ASXL3: variants seen among roughly 807,000 people sequenced by gnomAD.
The protein encoded by ASXL3 is ASXL transcriptional regulator 3, also known as putative Polycomb group protein ASXL3.
A neutral mutation model predicts 170.6 loss-of-function variants in ASXL3; 34 were observed. The observed-to-expected ratio is 0.20, with a 90% confidence interval of 0.15 to 0.27. The LOEUF is 0.27. ASXL3 is among the 10% of genes least tolerant of loss of function. The pLI is 1.00. For synonymous variants in ASXL3, 1,002 were observed against 989.1 expected, an observed-to-expected ratio of 1.01 and a Z score of -0.24; for missense variants, 2,592 against 2,695.3, an observed-to-expected ratio of 0.96 and a Z score of 0.85.
intron 1 of ASXL3, among the ~76,000 whole-genome samples, chr18:33,584,321 G>A (rs945890880): frequency 6.6e-6 from 1 of 151,970 alleles, no homozygotes; most frequent in Non-Finnish European, 1.5e-5. Context: ...ATTGGGGAGG[G>A]ATTTAAAGCC....
At chr18:33,738,337 G>A (rs1007449948) in intron 10 of ASXL3, 150 bp from the exon 11 acceptor site, 9 of 837,678 alleles carry the variant, frequency 1.1e-5, no homozygotes, top group South Asian at 2.2e-5. Context: ...CATCATCATT[G>A]TAAACTGGTT....
intron 1 of ASXL3, among the ~76,000 whole-genome samples, chr18:33,585,071 G>A (rs2065025086): frequency 1.3e-5 from 2 of 151,992 alleles, no homozygotes; most frequent in African/African-American, 4.8e-5. Context: ...GCCTACATAT[G>A]TATTCTCCTC....
At position 33,667,049 on chromosome 18, in the gene ASXL3, G is replaced by A. The variant is rs541366704; in HGVS notation, c.478-3624G>A. Among the ~76,000 whole-genome samples, 12 of 152,268 alleles carry A rather than the reference G, an allele frequency of 7.9e-5. No individual in the cohort carries two copies. The South Asian group carries it at 2.3e-3, about 29-fold the overall frequency. ...AGAGCCTGCACTGAGGGGAAGTGCG[G>A]AGGTCAGCTAGAGAGAGCGTGGTTT... On this transcript the variant is annotated intron_variant, in intron 5 of 11. Coordinates refer to ENST00000269197, the MANE Select transcript of ASXL3 (RefSeq NM_030632.3).
At chr18:33,648,026 G>A (rs1281803704) in intron 4 of ASXL3, among the ~76,000 whole-genome samples, 1 of 152,074 alleles carries the variant, frequency 6.6e-6, no homozygotes, top group African/African-American at 2.4e-5. Context: ...TGGTGTGGCT[G>A]TGAGGCCAAA....
At chr18:33,625,911 A>G (rs1186442995) in intron 2 of ASXL3, 1 of 152,132 alleles carries the variant, frequency 6.6e-6, no homozygotes, top group Non-Finnish European at 1.5e-5. Flanking sequence ...AATTTAGGGT[A>G]AGTACATAGA....
In ASXL3 at chr18:33,742,959, A is replaced by C; in HGVS notation, c.3111A>C (p.Ala1037=). 3 of 1,613,850 alleles carry C rather than the reference A, an allele frequency of 1.9e-6. No individual in the cohort carries two copies. Among genetic ancestry groups the C allele is most frequent in the Non-Finnish European group, 2.5e-6 (3 of 1,179,842 alleles). ...CAGTCTCCAAACCTGAGTCTCGAGC[A>C]TCCACTAGCACATCTGTCAGTGGCG... ...SQPVSKPESR[A]STSTSVSGGR... The change falls in exon 12 of 12, where the codon GCA becomes GCC. Residue 1037 remains alanine, a synonymous_variant. Coordinates refer to ENST00000269197, the MANE Select transcript of ASXL3 (RefSeq NM_030632.3).
intron 2 of ASXL3, among the ~76,000 whole-genome samples, chr18:33,617,453 C>T (rs985718649): frequency 4.6e-5 from 7 of 152,012 alleles, no homozygotes; most frequent in Admixed American, 1.3e-4. Context: ...ATGATGCCAC[C>T]GCACTCCAGC....
chr18:33,666,684 G>A (rs1265501811), intron 5 of ASXL3, among the ~76,000 whole-genome samples: 1 of 152,142 alleles, frequency 6.6e-6, no homozygotes, highest in Non-Finnish European at 1.5e-5. Flanking sequence ...GCTGCAGACA[G>A]TATGATACCA....
At chr18:33,650,414 C>A (rs2145209585) in intron 4 of ASXL3, among the ~76,000 whole-genome samples, 1 of 152,136 alleles carries the variant, frequency 6.6e-6, no homozygotes, top group African/African-American at 2.4e-5. Context: ...AAGAAAAAGG[C>A]TACCACCTGA....
At chr18:33,741,679 A>G (rs1055940876) in intron 11 of ASXL3, among the ~76,000 whole-genome samples, 5 of 152,196 alleles carry the variant, frequency 3.3e-5, no homozygotes, top group Admixed American at 2.0e-4. Context: ...TCATCCATCA[A>G]AGTTCCAAAG....
intron 5 of ASXL3, among the ~76,000 whole-genome samples, chr18:33,669,798 A>T (rs1481734751): frequency 6.6e-6 from 1 of 152,170 alleles, no homozygotes; most frequent in Non-Finnish European, 1.5e-5. Context: ...CCTTTTGAGG[A>T]GTTTTAGCAT....
intron 1 of ASXL3, among the ~76,000 whole-genome samples, chr18:33,579,731 G>A (rs2064977228): frequency 6.6e-6 from 1 of 151,850 alleles, no homozygotes; most frequent in African/African-American, 2.4e-5. Context: ...GCCTTTCAGG[G>A]TTTTGGCTGC....
rs1360391806 is a variant in ASXL3 at position 33,749,385 on chromosome 18, TACTGGAC to T, written c.*2793_*2799del. ...ATGTTAGCATGTGCATTATCCTGATTACTGGACACAGTTTTATTCTTATCAGGAATAG... is the reference window on the plus strand; with the variant it reads ...ATGTTAGCATGTGCATTATCCTGATTACAGTTTTATTCTTATCAGGAATAG... On this transcript the variant is annotated 3_prime_UTR_variant, in exon 12 of 12. Transcript: ENST00000269197. 2 of 152,112 alleles carry T rather than the reference TACTGGAC, an allele frequency of 1.3e-5. No individual in the cohort carries two copies. The highest frequency in any genetic ancestry group is 2.9e-5 in the Non-Finnish European group (2 of 68,018). The allele number at this position is 152,112 out of a possible 1,614,324, so 9.4% of individuals were successfully genotyped here.
At chr18:33,697,403 T>C (rs909964567) in intron 8 of ASXL3, among the ~76,000 whole-genome samples, 20 of 152,064 alleles carry the variant, frequency 1.3e-4, no homozygotes, top group African/African-American at 4.6e-4. Flanking sequence ...TGCACTAAGC[T>C]CCCTGGAAAT....
intron 8 of ASXL3, among the ~76,000 whole-genome samples, chr18:33,698,434 T>A (rs914038012): frequency 6.6e-6 from 1 of 152,252 alleles, no homozygotes; most frequent in African/African-American, 2.4e-5. Flanking sequence ...TTTGGACGTG[T>A]TGGATCTGAG....
intron 10 of ASXL3, among the ~76,000 whole-genome samples, chr18:33,738,008 C>A (rs1010513880): frequency 2.0e-5 from 3 of 151,986 alleles, no homozygotes; most frequent in Non-Finnish European, 4.4e-5. Flanking sequence ...ATGTAATTTT[C>A]TTATTCCTTT....
chr18:33,720,286 TAAAG>T (rs1050582674), intron 8 of ASXL3, among the ~76,000 whole-genome samples: 9 of 151,190 alleles, frequency 6.0e-5, no homozygotes, highest in African/African-American at 1.7e-4. Context: ...AAATGTTTGT[TAAAG>T]AAAGGAATGA....
At chr18:33,682,224 T>C (rs2066526015) in intron 7 of ASXL3, among the ~76,000 whole-genome samples, 1 of 152,212 alleles carries the variant, frequency 6.6e-6, no homozygotes, top group Non-Finnish European at 1.5e-5. Flanking sequence ...GACATGATGG[T>C]GTTCTAGTAA....
At chr18:33,655,612 G>A (rs932552866) in intron 4 of ASXL3, among the ~76,000 whole-genome samples, 1 of 152,042 alleles carries the variant, frequency 6.6e-6, no homozygotes, top group East Asian at 1.9e-4. Flanking sequence ...AGGCAGTTCT[G>A]CTTAGGCTGA....
Sources: allele counts gnomAD v4.1 joint callset (sites outside exome capture counted in the v4.1 genomes callset), GRCh38; gene constraint gnomAD v4.1.1; transcripts MANE v1.5; gene names NCBI Gene and HGNC (gene_info 2026-07-23, HGNC 2026-07-21).